Variants in KDM4C observed in about 807,000 individuals in gnomAD.
The protein encoded by KDM4C is lysine demethylase 4C, also known as lysine-specific demethylase 4C.
In KDM4C, 81 loss-of-function variants were observed where a neutral mutation model predicts 129.3. The observed-to-expected ratio is 0.63, with a 90% CI of 0.52 to 0.75. KDM4C has a LOEUF of 0.75. Among genes scored for constraint, KDM4C ranks in the 30% least tolerant of loss-of-function variants. KDM4C has a pLI of 0.00. For synonymous variants in KDM4C, 573 were observed against 456.1 expected, an observed-to-expected ratio of 1.26 and a Z score of -3.26; for missense variants, 1,457 against 1,304.0, an observed-to-expected ratio of 1.12 and a Z score of -1.81.
chr9:6,832,058 G>A (rs756814846), intron 4 of KDM4C, among the ~76,000 whole-genome samples: 9 of 152,050 alleles, frequency 5.9e-5, no homozygotes, highest in South Asian at 2.1e-4. Flanking sequence ...TGAATTTGTC[G>A]GCTGGGTGCG....
At chr9:6,990,573 A>AAAAC (rs1818560342) in intron 12 of KDM4C, 49 bp downstream of exon 12, 1 of 1,231,570 alleles carries the variant, frequency 8.1e-7, no homozygotes, top group Admixed American at 2.5e-5. Context: ...TTTGGTGTGT[A>AAAAC]AAACAAACTA....
At chr9:6,893,065 A>G (rs369066188) in intron 7 of KDM4C, 30 bp from the exon 8 acceptor site, 2 of 1,413,560 alleles carry the variant, frequency 1.4e-6, no homozygotes, top group Admixed American at 2.6e-5. Context: ...TCTTATTTTT[A>G]CAAAATATTA....
chr9:6,990,127 C>A (rs564043169), intron 11 of KDM4C, among the ~76,000 whole-genome samples: 2 of 152,244 alleles, frequency 1.3e-5, no homozygotes, highest in African/African-American at 4.8e-5. Context: ...AACTTGTTAA[C>A]TGCTGAGCTT....
At chr9:6,895,218 T>G (rs1439972098) in intron 8 of KDM4C, among the ~76,000 whole-genome samples, 1 of 152,242 alleles carries the variant, frequency 6.6e-6, no homozygotes, top group Admixed American at 6.5e-5. Flanking sequence ...CTCATGGTTC[T>G]GTAGGTAATA....
chr9:6,976,534 A>G (rs890498247), intron 8 of KDM4C, among the ~76,000 whole-genome samples: 11 of 152,212 alleles, frequency 7.2e-5, no homozygotes, highest in Non-Finnish European at 1.6e-4. Context: ...AGTTTTATAC[A>G]CAGTCCCATG....
chr9:7,014,423 G>A (rs957785641), intron 14 of KDM4C: 2 of 156,914 alleles, frequency 1.3e-5, no homozygotes, highest in African/African-American at 4.8e-5. Flanking sequence ...GTTGTACTGA[G>A]TTAACTTTTT....
At chr9:7,076,593 G>T in intron 17 of KDM4C, 2 of 1,473,956 alleles carry the variant, frequency 1.4e-6, no homozygotes, top group Non-Finnish European at 1.8e-6. Flanking sequence ...ATCGTGTTTA[G>T]GATGGGGATA....
intron 4 of KDM4C, among the ~76,000 whole-genome samples, chr9:6,824,041 A>G (rs185278004): frequency 7.9e-5 from 12 of 152,352 alleles, no homozygotes; most frequent in South Asian, 2.1e-4. Flanking sequence ...GCTGCAGACT[A>G]TATTCTCTGA....
intron 8 of KDM4C, among the ~76,000 whole-genome samples, chr9:6,962,280 C>T (rs10758810): frequency 0.74 from 112,175 of 152,094 alleles, 41,785 homozygotes; most frequent in East Asian, 1. Context: ...TTTAATCTAG[C>T]TAGCAGTAAT....
intron 4 of KDM4C, among the ~76,000 whole-genome samples, chr9:6,816,460 C>T (rs1832107440): frequency 1.3e-5 from 2 of 152,146 alleles, no homozygotes; most frequent in African/African-American, 4.8e-5. Flanking sequence ...TCATTTTCTT[C>T]TTTTGTTTAA....
chr9:6,839,396 GTTTTTTTTTT>G (rs36061484), intron 4 of KDM4C, among the ~76,000 whole-genome samples: 1 of 109,928 alleles, frequency 9.1e-6, no homozygotes, highest in African/African-American at 3.6e-5. Flanking sequence ...CACCTGGCCA[GTTTTTTTTTT>G]TTTTTTTTTT....
chr9:6,879,993 C>T lies in KDM4C; in HGVS notation c.630-19C>T. 1 of 1,451,610 alleles carries T rather than the reference C, an allele frequency of 6.9e-7. No individual in the cohort carries two copies. The highest frequency in any genetic ancestry group is 1.3e-5 in the South Asian group (1 of 78,798). 89.9% of individuals were successfully genotyped at this position (1,451,610 alleles called of 1,614,324 possible). A position where few individuals can be genotyped will look rare whatever the true frequency, so the allele number is the denominator to read the frequency against. On this transcript the variant is annotated intron_variant, in intron 5 of 21. Coordinates refer to ENST00000381309, the MANE Select transcript of KDM4C (RefSeq NM_015061.6). ...AAAAATTATAAACCTAAAATTTTTA[C>T]TTATGTTTAAAATTTTAGGTATGCT...
At chr9:6,929,008 C>T (rs1423852814) in intron 8 of KDM4C, among the ~76,000 whole-genome samples, 1 of 152,204 alleles carries the variant, frequency 6.6e-6, no homozygotes, top group African/African-American at 2.4e-5. Flanking sequence ...ACCTGTGCTG[C>T]TTCATCTTCC....
chr9:6,930,892 G>C (rs1037513246), intron 8 of KDM4C, among the ~76,000 whole-genome samples: 1 of 152,082 alleles, frequency 6.6e-6, no homozygotes, highest in Non-Finnish European at 1.5e-5. Context: ...TTGCAAAAAT[G>C]CAGGGGCTTG....
In KDM4C at chr9:7,089,990, C is replaced by T. The variant is rs188533761; in HGVS notation, c.2425-13695C>T. ...GCCTGCCCATGCCAGTGCATCTTCC[C>T]TGGGGAATCACTGCAGAATCCCCCA... On this transcript the variant is annotated intron_variant, in intron 17 of 21. Coordinates refer to ENST00000381309, the MANE Select transcript of KDM4C (RefSeq NM_015061.6). Among the ~76,000 whole-genome samples, 736 of 152,324 alleles carry T rather than the reference C, an allele frequency of 4.8e-3. 3 individuals are homozygous for T. The highest frequency in any genetic ancestry group is 0.017 in the African/African-American group (702 of 41,564).
At chr9:6,995,659 C>T (rs1481699255) in intron 12 of KDM4C, among the ~76,000 whole-genome samples, 1 of 152,080 alleles carries the variant, frequency 6.6e-6, no homozygotes, top group Non-Finnish European at 1.5e-5. Flanking sequence ...AAAGTACTTA[C>T]ACCTTTGCAG....
chr9:6,856,583 T>TGTGTA (rs1491295273), intron 5 of KDM4C, among the ~76,000 whole-genome samples: 2 of 132,210 alleles, frequency 1.5e-5, no homozygotes, highest in Admixed American at 7.4e-5. Context: ...TGTGTGTGTA[T>TGTGTA]TTTTTTTTGA....
intron 1 of KDM4C, chr9:6,748,826 C>G: frequency 8.0e-7 from 1 of 1,256,452 alleles, no homozygotes; most frequent in East Asian, 2.3e-5. Flanking sequence ...GGTTCATATA[C>G]TCATCAAAAC....
At chr9:7,015,950 T>G in intron 15 of KDM4C, 21 bp downstream of exon 15, 2 of 1,562,122 alleles carry the variant, frequency 1.3e-6, no homozygotes, top group Non-Finnish European at 1.8e-6. Flanking sequence ...TATTTTAGTA[T>G]TGCTTAACCT....
Sources: gnomAD v4.1 joint callset for allele counts (sites outside exome capture counted in the v4.1 genomes callset) on GRCh38, gnomAD v4.1.1 for gene constraint, MANE v1.5 for transcripts, NCBI Gene and HGNC (gene_info 2026-07-23, HGNC 2026-07-21) for gene names.